KIF4A: variants seen among roughly 807,000 people sequenced by gnomAD.
KIF4A encodes the protein chromosome-associated kinesin KIF4A.
In KIF4A, 7 loss-of-function variants were observed where a neutral mutation model predicts 105.9. The ratio of observed to expected loss-of-function variants is 0.07; its 90% CI spans 0.04 to 0.12. The LOEUF (loss-of-function observed/expected upper bound fraction) is 0.12, where lower values mean the gene tolerates loss of function less well. Among genes scored for constraint, KIF4A ranks in the 10% least tolerant of loss-of-function variants. The probability of loss-of-function intolerance (pLI) is 1.00; values close to 1 mark genes in which losing one functional copy is unlikely to be tolerated. For missense variants in KIF4A, 558 were observed against 929.2 expected, an observed-to-expected ratio of 0.60 and a Z score of 5.19; for synonymous variants, 281 against 331.3, an observed-to-expected ratio of 0.85 and a Z score of 1.65.
intron 5 of KIF4A, among the ~76,000 whole-genome samples, chrX:70,300,532 G>A (rs1379041370): frequency 9.0e-6 from 1 of 111,528 alleles, no homozygotes; most frequent in African/African-American, 3.3e-5. Flanking sequence ...GCTTTAGCAG[G>A]AAAGCAGAAA....
chrX:70,317,603 G>T (rs1185873151), intron 7 of KIF4A, among the ~76,000 whole-genome samples: 2 of 96,579 alleles, frequency 2.1e-5, no homozygotes, highest in Non-Finnish European at 4.0e-5. Context: ...TGAGTGCAGT[G>T]GCACAATCAC....
intron 13 of KIF4A, among the ~76,000 whole-genome samples, chrX:70,349,870 C>A (rs1294803057): frequency 1.1e-5 from 1 of 92,110 alleles, no homozygotes; most frequent in Non-Finnish European, 2.1e-5. Flanking sequence ...GGCAGAGGCA[C>A]TCCTCACTTC....
intron 13 of KIF4A, among the ~76,000 whole-genome samples, chrX:70,352,042 A>C (rs777991321): frequency 4.6e-4 from 52 of 112,218 alleles, no homozygotes; most frequent in Non-Finnish European, 7.5e-4. Flanking sequence ...TACAGGCATA[A>C]GCCACCGTGC....
intron 1 of KIF4A, 46 bp downstream of exon 1, chrX:70,290,196 G>A (rs371853015): frequency 6.3e-6 from 2 of 317,305 alleles, no homozygotes; most frequent in Non-Finnish European, 1.1e-5. Flanking sequence ...TTTTTACCCA[G>A]TACCCTAGGG....
chrX:70,326,237 T>C (rs906484219), intron 7 of KIF4A, among the ~76,000 whole-genome samples: 1 of 112,250 alleles, frequency 8.9e-6, no homozygotes, highest in African/African-American at 3.2e-5. Context: ...GTTAATATTT[T>C]GGATCAAATA....
At chrX:70,347,967 T>C (rs2086000392) in intron 13 of KIF4A, among the ~76,000 whole-genome samples, 1 of 5,615 alleles carries the variant, frequency 1.8e-4, no homozygotes, top group Non-Finnish European at 2.8e-4. Context: ...AGAGCGAGAC[T>C]CCGTCTCAAA....
rs147470868 is a variant in KIF4A, at chrX:70,298,009, G to A, written c.426+821G>A. On this transcript the variant is annotated intron_variant, in intron 4 of 30. Transcript: ENST00000374403. ...TTCTTGGCCAGGCCCGGTGGTTCAC[G>A]CCTGTAATCCCAGCACTTTGGGAGG... 9.0e-4 allele frequency among the ~76,000 whole-genome samples: 100 copies of A among 110,678 alleles called. No homozygotes were observed. The East Asian group carries it at 0.029, about 32-fold the overall frequency.
intron 22 of KIF4A, among the ~76,000 whole-genome samples, chrX:70,401,998 T>C (rs1465189210): frequency 9.3e-6 from 1 of 107,218 alleles, no homozygotes; most frequent in Non-Finnish European, 1.9e-5. Context: ...TAGGACATAC[T>C]TGATCAGAAA....
chrX:70,335,785 G>A (rs2085948079), intron 10 of KIF4A, among the ~76,000 whole-genome samples: 1 of 111,793 alleles, frequency 8.9e-6, no homozygotes, highest in Admixed American at 9.5e-5. Context: ...CAACTAGGAA[G>A]CATAGGAAGT....
intron 20 of KIF4A, 84 bp from the exon 21 acceptor site, chrX:70,395,587 A>G: frequency 8.8e-7 from 1 of 1,134,701 alleles, no homozygotes; most frequent in Non-Finnish European, 1.2e-6. Flanking sequence ...TCTGGTCCAA[A>G]TGAAGTTAAG....
chrX:70,379,185 G>GA (rs968823538), intron 18 of KIF4A, among the ~76,000 whole-genome samples: 3 of 108,201 alleles, frequency 2.8e-5, no homozygotes, highest in African/African-American at 1.0e-4. Flanking sequence ...AAAGAAAAAA[G>GA]AAAAAAAAGA....
At chrX:70,399,469 C>T (rs967428125) in intron 22 of KIF4A, among the ~76,000 whole-genome samples, 2 of 110,525 alleles carry the variant, frequency 1.8e-5, no homozygotes, top group Non-Finnish European at 3.8e-5. Context: ...TCTGATAAGA[C>T]CAGTAGTGAT....
intron 13 of KIF4A, among the ~76,000 whole-genome samples, chrX:70,346,987 C>A (rs1397026920): frequency 2.7e-5 from 3 of 111,918 alleles, no homozygotes; most frequent in Non-Finnish European, 5.6e-5. Context: ...GATATTCTTC[C>A]TGGGGCTTTA....
chrX:70,367,243 C>T (rs897134782), intron 15 of KIF4A, among the ~76,000 whole-genome samples: 10 of 111,439 alleles, frequency 9.0e-5, no homozygotes, highest in African/African-American at 2.6e-4. Flanking sequence ...GCATTTAGCC[C>T]GTTAACATTT....
intron 7 of KIF4A, among the ~76,000 whole-genome samples, chrX:70,302,938 C>T (rs2085810276): frequency 8.9e-6 from 1 of 111,803 alleles, no homozygotes; most frequent in African/African-American, 3.2e-5. Context: ...AATTAACATC[C>T]AGCTCTATAT....
intron 7 of KIF4A, 61 bp downstream of exon 7, chrX:70,302,459 T>G: frequency 9.3e-7 from 1 of 1,076,744 alleles, no homozygotes; most frequent in Admixed American, 2.4e-5. Flanking sequence ...TTGTTGGTAT[T>G]GTTGGTGTTT....
intron 28 of KIF4A, among the ~76,000 whole-genome samples, chrX:70,417,238 C>T (rs2086347913): frequency 8.9e-6 from 1 of 112,669 alleles, no homozygotes; most frequent in African/African-American, 3.2e-5. Context: ...CGCGGTGGCT[C>T]ACGCCTGTAA....
At chrX:70,355,113 G>T (rs1170358054) in intron 15 of KIF4A, among the ~76,000 whole-genome samples, 1 of 111,731 alleles carries the variant, frequency 9.0e-6, no homozygotes, top group Non-Finnish European at 1.9e-5. Context: ...CCCCTGCCTG[G>T]CTGGCATCAT....
In KIF4A at chrX:70,404,765, G is replaced by A; in HGVS notation, c.2841G>A (p.Gln947=). ...AGCAAAGCCAAATGGCAGAGAAGCA[G>A]TTAGAGGAATCAGTCAGTGAAAAGG... ...QLQQSQMAEK[Q]LEESVSEKEQ... is the part of the protein sequence containing the mutation. Residue 947 remains glutamine (Q), a synonymous_variant, in exon 25 of 31, where the codon CAG becomes CAA. Coordinates refer to ENST00000374403, the MANE Select transcript of KIF4A (RefSeq NM_012310.5). 1 of 1,209,572 alleles carries A rather than the reference G, an allele frequency of 8.3e-7. No homozygotes were observed. Among genetic ancestry groups the A allele is most frequent in the Non-Finnish European group, 1.1e-6 (1 of 894,386 alleles).
Sources: allele counts gnomAD v4.1 joint callset (sites outside exome capture counted in the v4.1 genomes callset), GRCh38; gene constraint gnomAD v4.1.1; transcripts MANE v1.5; gene names NCBI Gene and HGNC (gene_info 2026-07-23, HGNC 2026-07-21).